Variants in MMP16 observed in about 807,000 individuals in gnomAD.
MMP16 encodes matrix metallopeptidase 16.
Under a neutral mutation model 67.8 loss-of-function variants are expected in MMP16, and 12 were observed. That is an observed-to-expected ratio of 0.18 (90% CI 0.11 to 0.29). The LOEUF is 0.29. Ranked by LOEUF, MMP16 falls within the 10% of genes least tolerant of loss-of-function variation. The pLI, the probability that MMP16 is intolerant of heterozygous loss-of-function variation, is 1.00. For synonymous variants in MMP16, 249 were observed against 255.9 expected, an observed-to-expected ratio of 0.97 and a Z score of 0.26; for missense variants, 475 against 765.7, an observed-to-expected ratio of 0.62 and a Z score of 4.48.
chr8:88,242,807 A>T (rs182836304), intron 1 of MMP16, among the ~76,000 whole-genome samples: 89 of 152,300 alleles, frequency 5.8e-4, no homozygotes, highest in East Asian at 9.6e-4. Flanking sequence ...GAAAATTTTG[A>T]TCCTTATCCT....
Position 88,137,580 on chromosome 8 carries a change from A to G in MMP16, c.710-18719T>C, listed in dbSNP as rs147341678. Reference sequence around the variant, plus strand: ...GTCTGAGTAATAATCTTTGTATTCAATGTGATTGGGGTTCAAACACTTGTT... The same window carrying G: ...GTCTGAGTAATAATCTTTGTATTCAGTGTGATTGGGGTTCAAACACTTGTT... On this transcript the variant is annotated intron_variant, in intron 4 of 9. Coordinates refer to ENST00000286614, the MANE Select transcript of MMP16 (RefSeq NM_005941.5). Among the ~76,000 whole-genome samples the G allele has an allele frequency of 1.5e-3, 226 of 152,066 alleles. 1 individual carries two copies. The highest frequency in any genetic ancestry group is 4.9e-3 in the African/African-American group (203 of 41,530).
At chr8:88,136,606 A>T (rs1808123336) in intron 4 of MMP16, among the ~76,000 whole-genome samples, 1 of 151,522 alleles carries the variant, frequency 6.6e-6, no homozygotes, top group African/African-American at 2.4e-5. Context: ...TTTGAACTTC[A>T]TATTAAATAA....
intron 4 of MMP16, among the ~76,000 whole-genome samples, chr8:88,149,211 C>T (rs749009779): frequency 3.3e-5 from 5 of 152,228 alleles, no homozygotes; most frequent in Admixed American, 6.5e-5. Flanking sequence ...GAGGGTCCTA[C>T]ACCCACGGAA....
chr8:88,231,506 C>G (rs1809858543), intron 1 of MMP16, among the ~76,000 whole-genome samples: 1 of 152,178 alleles, frequency 6.6e-6, no homozygotes, highest in Non-Finnish European at 1.5e-5. Context: ...TCCACCCAGT[C>G]TAGAAATGAA....
intron 6 of MMP16, among the ~76,000 whole-genome samples, chr8:88,088,274 G>C (rs926439642): frequency 6.6e-6 from 1 of 151,344 alleles, no homozygotes; most frequent in Non-Finnish European, 1.5e-5. Flanking sequence ...GAGACAGAGA[G>C]AGAGAAAAGA....
intron 4 of MMP16, among the ~76,000 whole-genome samples, chr8:88,148,011 T>A (rs1167468352): frequency 6.6e-6 from 1 of 152,194 alleles, no homozygotes; most frequent in East Asian, 1.9e-4. Flanking sequence ...TCCTATCTTT[T>A]TTACTCTCTA....
At chr8:88,221,770 G>A (rs1369033807) in intron 1 of MMP16, among the ~76,000 whole-genome samples, 2 of 151,956 alleles carry the variant, frequency 1.3e-5, no homozygotes, top group Admixed American at 6.6e-5. Flanking sequence ...TCTAACATTT[G>A]ATTAACAGAC....
chr8:88,250,767 CTTTT>C (rs71277989), intron 1 of MMP16, among the ~76,000 whole-genome samples: 1 of 145,606 alleles, frequency 6.9e-6, no homozygotes, highest in Non-Finnish European at 1.5e-5. Context: ...TAGTCTTTTT[CTTTT>C]TTTTTTTAAT....
Position 88,273,482 on chromosome 8 carries a change from G to A in MMP16, c.132+53593C>T, listed in dbSNP as rs928638397. On this transcript the variant is annotated intron_variant, in intron 1 of 9. Transcript: ENST00000286614. Reference sequence around the variant, plus strand: ...ATTTCACTCTGGTTAATCTTGCACAGAGTGATATATCATATATCAATTCTG... The same window carrying A: ...ATTTCACTCTGGTTAATCTTGCACAAAGTGATATATCATATATCAATTCTG... Among the ~76,000 whole-genome samples, 18 of 152,078 alleles carry A rather than the reference G, an allele frequency of 1.2e-4. 1 individual carries two copies. The highest frequency in any genetic ancestry group is 1.5e-4 in the Non-Finnish European group (10 of 68,022).
At chr8:88,273,227 G>C (rs147849836) in intron 1 of MMP16, among the ~76,000 whole-genome samples, 5,331 of 149,076 alleles carry the variant, frequency 0.036, 317 homozygotes, top group African/African-American at 0.12. Context: ...TGGGGCTACA[G>C]GCACGTGCCA....
chr8:88,070,571 C>G (rs1309761947), intron 7 of MMP16, among the ~76,000 whole-genome samples: 1 of 152,034 alleles, frequency 6.6e-6, no homozygotes, highest in Non-Finnish European at 1.5e-5. Flanking sequence ...CATCTCTGGG[C>G]CATCTTGTGT....
chr8:88,137,837 T>G (rs1808146563), intron 4 of MMP16, among the ~76,000 whole-genome samples: 1 of 152,024 alleles, frequency 6.6e-6, no homozygotes, highest in Admixed American at 6.6e-5. Flanking sequence ...ATTTTCTTGA[T>G]ATTGGAAGAT....
At chr8:88,210,544 T>C (rs965777692) in intron 1 of MMP16, among the ~76,000 whole-genome samples, 1 of 152,088 alleles carries the variant, frequency 6.6e-6, no homozygotes, top group African/African-American at 2.4e-5. Flanking sequence ...CTCTCCCCCA[T>C]ATACACACAC....
intron 1 of MMP16, among the ~76,000 whole-genome samples, chr8:88,216,763 G>T (rs924200474): frequency 1.3e-5 from 2 of 152,046 alleles, no homozygotes; most frequent in African/African-American, 4.8e-5. Flanking sequence ...GATGGCATTT[G>T]ATTTCAGTTT....
rs190473668 is a variant in MMP16 at position 88,108,594 on chromosome 8, G to C, written c.1083+7913C>G. ...ACTGAAAAATCAATTGTGGTATGCA[G>C]GGAGTGGTGATTGATAGCGCTGGGA... is the stretch of plus-strand genomic sequence containing the variant. On this transcript the variant is annotated intron_variant, in intron 6 of 9. Coordinates refer to ENST00000286614, the MANE Select transcript of MMP16 (RefSeq NM_005941.5). 1.9e-3 allele frequency among the ~76,000 whole-genome samples: 290 copies of C among 151,382 alleles called. 1 individual carries two copies. The highest frequency in any genetic ancestry group is 3.2e-3 in the Non-Finnish European group (214 of 67,490).
chr8:88,289,354 T>C (rs1209695477), intron 1 of MMP16, among the ~76,000 whole-genome samples: 6 of 152,166 alleles, frequency 3.9e-5, no homozygotes, highest in African/African-American at 1.4e-4. Context: ...AAAAGGAACA[T>C]TTTAAAGGCC....
At chr8:88,066,023 T>C (rs559834738) in intron 7 of MMP16, among the ~76,000 whole-genome samples, 2 of 152,244 alleles carry the variant, frequency 1.3e-5, no homozygotes, top group Admixed American at 1.3e-4. Flanking sequence ...GATTTGTGTC[T>C]CTTGAAATGA....
chr8:88,181,825 A>G lies in MMP16; in HGVS notation c.404+4651T>C, dbSNP rs565261419. Among the ~76,000 whole-genome samples the G allele has an allele frequency of 3.3e-5, 5 of 152,148 alleles. No individual in the cohort carries two copies. The South Asian group carries it at 8.3e-4, about 25-fold the overall frequency. ...GATATTGGATTAATAACAAATACAT[A>G]TATCAAAGGAACAAAGGAAAGTGCC... On this transcript the variant is annotated intron_variant, in intron 3 of 9. Coordinates refer to ENST00000286614, the MANE Select transcript of MMP16 (RefSeq NM_005941.5).
At chr8:88,258,041 T>C (rs924196510) in intron 1 of MMP16, among the ~76,000 whole-genome samples, 3 of 135,526 alleles carry the variant, frequency 2.2e-5, no homozygotes, top group African/African-American at 6.2e-5. Context: ...AATGACTCTT[T>C]TTCTTTTTTT....
Sources: allele counts gnomAD v4.1 joint callset (sites outside exome capture counted in the v4.1 genomes callset), GRCh38; gene constraint gnomAD v4.1.1; transcripts MANE v1.5; gene names NCBI Gene and HGNC (gene_info 2026-07-23, HGNC 2026-07-21).